KAZN: variants seen among roughly 807,000 people sequenced by gnomAD.
The protein encoded by KAZN is kazrin.
In KAZN, 40 loss-of-function variants were observed where a neutral mutation model predicts 87.4. That is an observed-to-expected ratio of 0.46 (90% CI 0.36 to 0.60). The LOEUF is 0.60. Among genes scored for constraint, KAZN ranks in the 20% least tolerant of loss-of-function variants. The probability of loss-of-function intolerance (pLI) is 0.00; values close to 1 mark genes in which losing one functional copy is unlikely to be tolerated. For missense variants in KAZN, 898 were observed against 1,073.9 expected, an observed-to-expected ratio of 0.84 and a Z score of 2.29; for synonymous variants, 466 against 458.3, an observed-to-expected ratio of 1.02 and a Z score of -0.22.
At chr1:14,455,061 A>AG (rs35057215) in intron 2 of KAZN, among the ~76,000 whole-genome samples, 68,176 of 151,486 alleles carry the variant, frequency 0.45, 15,703 homozygotes, top group Middle Eastern at 0.57. Context: ...TCCCCAGAGA[A>AG]AGAGATCCAA....
chr1:14,750,423 A>T (rs1358019099), intron 1 of KAZN, among the ~76,000 whole-genome samples: 1 of 152,174 alleles, frequency 6.6e-6, no homozygotes, highest in Non-Finnish European at 1.5e-5. Flanking sequence ...ACGAAGTTTT[A>T]CGTGCTCCCT....
chr1:14,006,080 A>C (rs1640026326), intron 1 of KAZN, among the ~76,000 whole-genome samples: 1 of 152,148 alleles, frequency 6.6e-6, no homozygotes, highest in South Asian at 2.1e-4. Context: ...ACATTACACA[A>C]ATATTTTCTC....
intron 2 of KAZN, among the ~76,000 whole-genome samples, chr1:14,236,216 C>T (rs1036480664): frequency 6.6e-6 from 1 of 152,200 alleles, no homozygotes; most frequent in Non-Finnish European, 1.5e-5. Context: ...TAGGCTCCAG[C>T]TCCTGCCTGA....
intron 1 of KAZN, among the ~76,000 whole-genome samples, chr1:14,801,588 A>G (rs1435500693): frequency 6.6e-6 from 1 of 152,120 alleles, no homozygotes; most frequent in Non-Finnish European, 1.5e-5. Context: ...CTTCCTCAGG[A>G]GGGCTATGAC....
At chr1:14,968,995 C>A (rs139066060) in intron 2 of KAZN, among the ~76,000 whole-genome samples, 1 of 152,298 alleles carries the variant, frequency 6.6e-6, no homozygotes, top group African/African-American at 2.4e-5. Context: ...CATAGGCATT[C>A]CTGCTTCAAG....
At position 14,924,593 on chromosome 1, in the gene KAZN, G is replaced by A. The variant is rs1368284250; in HGVS notation, c.227-36091G>A. ...GCCCGGTAGGTGCGCGCGGGGCGGGGCGGGGCGGGCGGCGCGGACACAGGC... is the reference window on the plus strand; with the variant it reads ...GCCCGGTAGGTGCGCGCGGGGCGGGACGGGGCGGGCGGCGCGGACACAGGC... On this transcript the variant is annotated intron_variant, in intron 1 of 14. Coordinates refer to ENST00000376030, the MANE Select transcript of KAZN (RefSeq NM_201628.3). 3 of 1,009,956 alleles carry A rather than the reference G, an allele frequency of 3.0e-6. No individual in the cohort carries two copies. In the African/African-American group the frequency reaches 5.2e-5, roughly 18 times the overall value. 62.6% of individuals were successfully genotyped at this position (1,009,956 alleles called of 1,614,324 possible). A position where few individuals can be genotyped will look rare whatever the true frequency, so the allele number is the denominator to read the frequency against.
chr1:13,962,448 C>A (rs1241764981), intron 1 of KAZN, among the ~76,000 whole-genome samples: 1 of 152,154 alleles, frequency 6.6e-6, no homozygotes, highest in Non-Finnish European at 1.5e-5. Context: ...GACTCAGGTG[C>A]CCTGACACCA....
intron 1 of KAZN, among the ~76,000 whole-genome samples, chr1:14,733,154 C>T (rs1247738075): frequency 6.6e-6 from 1 of 152,082 alleles, no homozygotes; most frequent in Non-Finnish European, 1.5e-5. Flanking sequence ...ATTTCAGCCC[C>T]AGACTTTCTG....
At chr1:14,604,071 C>A (rs1557830580) in intron 1 of KAZN, among the ~76,000 whole-genome samples, 1 of 152,250 alleles carries the variant, frequency 6.6e-6, no homozygotes, top group Non-Finnish European at 1.5e-5. Context: ...GGCTTCTTAC[C>A]CCCTGCCATA....
At position 14,340,957 on chromosome 1, in the gene KAZN, G is replaced by A. The variant is rs1039604680; in HGVS notation, c.249+160365G>A. The stretch of plus-strand genomic sequence containing the variant: ...GGCTGGAGTGCAGTGGCACAATCTC[G>A]ACTCACTGCAACCTCTGCCTCCCGG... On this transcript the variant is annotated intron_variant, in intron 2 of 16. Coordinates refer to the KAZN transcript ENST00000636203. Among the ~76,000 whole-genome samples, 58 of 125,938 alleles carry A rather than the reference G, an allele frequency of 4.6e-4. No individual in the cohort carries two copies. The Admixed American group carries it at 6.1e-3, about 13-fold the overall frequency. 82.6% of individuals were successfully genotyped at this position (125,938 alleles called of 152,430 possible).
Position 14,414,135 on chromosome 1 carries a change from A to T in KAZN, c.250-184848A>T, listed in dbSNP as rs192039158. ...ATGACAACATCAAGAGTTGGTGAGG[A>T]TGTAGAGACATAGGAATTCTTACAC... On this transcript the variant is annotated intron_variant, in intron 2 of 16. Transcript: ENST00000636203. Among the ~76,000 whole-genome samples the T allele has an allele frequency of 1.4e-4, 21 of 152,314 alleles. No individual in the cohort carries two copies. The East Asian group carries it at 4.1e-3, about 29-fold the overall frequency.
Position 15,055,931 on chromosome 1 carries a change from G to A in KAZN, c.727-160G>A, listed in dbSNP as rs116461328. On this transcript the variant is annotated intron_variant, in intron 4 of 14. Coordinates refer to ENST00000376030, the MANE Select transcript of KAZN (RefSeq NM_201628.3). ...CAGTTCCTCCCTCACACGGCTGCGG[G>A]GCAGGCGCTTGACTTACCAATTGAC... 1.5e-3 allele frequency among the ~76,000 whole-genome samples: 234 copies of A among 152,362 alleles called. 1 individual carries two copies. Among genetic ancestry groups the A allele is most frequent in the Non-Finnish European group, 2.9e-3 (199 of 68,046 alleles).
At chr1:14,747,612 A>G (rs1572384650) in intron 1 of KAZN, among the ~76,000 whole-genome samples, 1 of 152,208 alleles carries the variant, frequency 6.6e-6, no homozygotes, top group African/African-American at 2.4e-5. Context: ...TCATCCATCA[A>G]TAAGCATTTG....
At chr1:14,094,969 A>G (rs1570725540) in intron 1 of KAZN, among the ~76,000 whole-genome samples, 1 of 152,312 alleles carries the variant, frequency 6.6e-6, no homozygotes, top group South Asian at 2.1e-4. Context: ...ATAAAAAGAA[A>G]TTTGTGTCTT....
At chr1:15,103,929 G>A in intron 12 of KAZN, 94 bp from the exon 13 acceptor site, 1 of 1,275,518 alleles carries the variant, frequency 7.8e-7, no homozygotes, top group South Asian at 1.5e-5. Flanking sequence ...TCAAGCCCTT[G>A]CTGTTGGGGA....
At chr1:14,089,838 G>A (rs777890252) in intron 1 of KAZN, among the ~76,000 whole-genome samples, 3 of 152,056 alleles carry the variant, frequency 2.0e-5, no homozygotes, top group African/African-American at 7.2e-5. Context: ...AATTATCTCA[G>A]CATTTGCTTG....
In KAZN at chr1:14,624,424, G is replaced by GA. The variant is rs374913141; in HGVS notation, c.226+25213dup. The stretch of plus-strand genomic sequence containing the variant: ...CCAACAGAGCGAGACTCCGTCTCAA[G>GA]AAAAAAAAAAAACAACAAAAAAAAC... On this transcript the variant is annotated intron_variant, in intron 1 of 14. Coordinates refer to ENST00000376030, the MANE Select transcript of KAZN (RefSeq NM_201628.3). 2.5e-3 allele frequency among the ~76,000 whole-genome samples: 350 copies of GA among 137,606 alleles called. 3 individuals are homozygous for GA. The highest frequency in any genetic ancestry group is 0.017 in the East Asian group (80 of 4,720). The allele number at this position is 137,606 out of a possible 152,430, so 90.3% of individuals were successfully genotyped here. A position where few individuals can be genotyped will look rare whatever the true frequency, so the allele number is the denominator to read the frequency against.
At chr1:14,869,619 T>C (rs1318055396) in intron 1 of KAZN, among the ~76,000 whole-genome samples, 1 of 152,216 alleles carries the variant, frequency 6.6e-6, no homozygotes, top group African/African-American at 2.4e-5. Flanking sequence ...TCCTCTGCAC[T>C]CTGAGGAGAG....
chr1:14,134,435 A>C (rs1379807796), intron 1 of KAZN, among the ~76,000 whole-genome samples: 1 of 152,186 alleles, frequency 6.6e-6, no homozygotes, highest in African/African-American at 2.4e-5. Flanking sequence ...TGATGACTCT[A>C]TGAGCCAGGT....
Sources: gnomAD v4.1 joint callset for allele counts (sites outside exome capture counted in the v4.1 genomes callset) on GRCh38, gnomAD v4.1.1 for gene constraint, MANE v1.5 for transcripts, NCBI Gene and HGNC (gene_info 2026-07-23, HGNC 2026-07-21) for gene names.